Variants in RMDN1 observed in about 807,000 individuals in gnomAD.
RMDN1 encodes regulator of microtubule dynamics 1, also known as regulator of microtubule dynamics protein 1.
RMDN1 carries 48 observed loss-of-function variants against 48.9 expected under a neutral mutation model. The ratio of observed to expected loss-of-function variants is 0.98; its 90% CI spans 0.78 to 1.25. RMDN1 has a LOEUF of 1.25. Ranked by LOEUF, RMDN1 falls within the 50% of genes most tolerant of loss-of-function variation. The pLI, the probability that RMDN1 is intolerant of heterozygous loss-of-function variation, is 0.00. For missense variants in RMDN1, 418 were observed against 373.4 expected (o/e 1.12, Z -0.98); for synonymous variants, 148 against 132.6 (o/e 1.12, Z -0.80).
chr8:86,474,195 A>G lies in RMDN1; in HGVS notation c.*113T>C. On this transcript the variant is annotated 3_prime_UTR_variant, in exon 10 of 10. Transcript: ENST00000406452. ...GAATATTTTATATTTACACGGTTAA[A>G]TGGTCACAACATTTAAAAAGCCGTA... 1 of 1,501,944 alleles carries G rather than the reference A, an allele frequency of 6.7e-7. No homozygotes were observed. Among genetic ancestry groups the G allele is most frequent in the Non-Finnish European group, 8.9e-7 (1 of 1,128,556 alleles). 93.0% of individuals were successfully genotyped at this position (1,501,944 alleles called of 1,614,324 possible).
At position 86,514,139 on chromosome 8, in the gene RMDN1, C is replaced by CCA. The variant is rs575869346; in HGVS notation, c.-4+101_-4+102dup. 4.6e-4 allele frequency: 203 copies of CCA among 438,328 alleles called. 1 individual carries two copies. Among genetic ancestry groups the CCA allele is most frequent in the Non-Finnish European group, 6.0e-4 (199 of 330,134 alleles). The allele number at this position is 438,328 out of a possible 1,614,324, so 27.2% of individuals were successfully genotyped here. On this transcript the variant is annotated intron_variant, in intron 1 of 9. Coordinates refer to the RMDN1 transcript ENST00000523911. ...AAAATGTTTGGATTACAGGTGTGAGCCACTGCGCCCAGTCTTCTCAGTTCA... is the reference window on the plus strand; with the variant it reads ...AAAATGTTTGGATTACAGGTGTGAGCCACACTGCGCCCAGTCTTCTCAGTTCA...
At chr8:86,496,883 C>T (rs1243792317) in intron 2 of RMDN1, among the ~76,000 whole-genome samples, 3 of 152,072 alleles carry the variant, frequency 2.0e-5, no homozygotes, top group Non-Finnish European at 4.4e-5. Flanking sequence ...AGGCCACATG[C>T]TTGGCCATAA....
At chr8:86,478,859 C>T (rs2130615615) in intron 7 of RMDN1, 64 bp downstream of exon 7, 4 of 1,280,218 alleles carry the variant, frequency 3.1e-6, no homozygotes, top group Non-Finnish European at 4.6e-6. Flanking sequence ...CATGTGTGAA[C>T]ACATGGTAGA....
intron 2 of RMDN1, among the ~76,000 whole-genome samples, chr8:86,490,316 A>G (rs1464373358): frequency 3.3e-5 from 5 of 152,210 alleles, no homozygotes; most frequent in Non-Finnish European, 7.3e-5. Flanking sequence ...TAATCAGCTA[A>G]TATTAAAACA....
At chr8:86,479,034 A>G (rs765097095) in intron 6 of RMDN1, 24 bp from the exon 7 acceptor site, 1 of 1,513,420 alleles carries the variant, frequency 6.6e-7, no homozygotes, top group South Asian at 1.1e-5. Flanking sequence ...AAACAATTTT[A>G]TACATTCAAA....
At chr8:86,494,840 G>T (rs1157045362) in intron 2 of RMDN1, 1 of 328,086 alleles carries the variant, frequency 3.0e-6, no homozygotes, top group Non-Finnish European at 6.0e-6. Context: ...TGGGCATCAT[G>T]GCACATGCCT....
At chr8:86,468,672 G>A (rs1417066724), downstream of RMDN1, 1 of 456,044 alleles carries the variant, frequency 2.2e-6, no homozygotes, top group Non-Finnish European at 4.4e-6. Context: ...CCTCAAGTAA[G>A]AAATTACGAT....
chr8:86,476,632 C>G (rs548807559), intron 8 of RMDN1, among the ~76,000 whole-genome samples: 2 of 152,210 alleles, frequency 1.3e-5, no homozygotes, highest in South Asian at 4.1e-4. Context: ...TTCACAATAT[C>G]TGCAATAGAA....
chr8:86,471,559 T>A (rs1812569307), downstream of RMDN1, among the ~76,000 whole-genome samples: 1 of 151,622 alleles, frequency 6.6e-6, no homozygotes, highest in South Asian at 2.1e-4. Flanking sequence ...CTGGCTAAAA[T>A]CAGGAAAAAA....
chr8:86,497,595 G>C (rs964291017), intron 2 of RMDN1, among the ~76,000 whole-genome samples: 6 of 151,910 alleles, frequency 3.9e-5, no homozygotes, highest in Non-Finnish European at 7.4e-5. Context: ...CAGCTACTTG[G>C]GAGGCCAAGG....
In RMDN1 at chr8:86,482,524, TAGTATCACTAAGTGAATGTC is replaced by T. The variant is rs537136803; in HGVS notation, c.586-2212_586-2193del. 8.1e-4 allele frequency: 568 copies of T among 701,678 alleles called. 11 individuals are homozygous for T. The highest frequency in any genetic ancestry group is 7.8e-3 in the South Asian group (555 of 71,118). 43.5% of individuals were successfully genotyped at this position (701,678 alleles called of 1,614,324 possible). ...CATTTAATTCTGTCACACATAATCA[TAGTATCACTAAGTGAATGTC>T]ATCTTCTTGCCTGTCAAATTCACTA... On this transcript the variant is annotated intron_variant, in intron 5 of 9. Transcript: ENST00000406452.
chr8:86,474,227 T>A lies in RMDN1; in HGVS notation c.*81A>T. ...CAACATTTAAAAAGCCGTAGAACAG[T>A]TATAGTTCATATATTAAGTTTAGAA... is the stretch of plus-strand genomic sequence containing the variant. On this transcript the variant is annotated 3_prime_UTR_variant, in exon 10 of 10. Transcript: ENST00000406452. 1.3e-6 allele frequency: 2 copies of A among 1,594,090 alleles called. No homozygotes were observed. Among genetic ancestry groups the A allele is most frequent in the Non-Finnish European group, 1.7e-6 (2 of 1,171,814 alleles).
In RMDN1 at chr8:86,483,602, A is replaced by G. The variant is rs1443652199; in HGVS notation, c.585+1270T>C. Among the ~76,000 whole-genome samples the G allele has an allele frequency of 2.0e-5, 3 of 152,336 alleles. No homozygotes were observed. The East Asian group carries it at 5.8e-4, about 29-fold the overall frequency. The stretch of plus-strand genomic sequence containing the variant: ...GTTACATTATAAAATGTCAGTTATT[A>G]TGTATATATTACTATCCATACCTGA... On this transcript the variant is annotated intron_variant, in intron 5 of 9. Transcript: ENST00000406452.
chr8:86,489,571 T>A (rs1248262150), intron 2 of RMDN1, among the ~76,000 whole-genome samples: 1 of 152,072 alleles, frequency 6.6e-6, no homozygotes, highest in Admixed American at 6.6e-5. Context: ...GTGGCTCACA[T>A]CTGTAATCCT....
At chr8:86,495,859 T>C (rs1263900774) in intron 2 of RMDN1, among the ~76,000 whole-genome samples, 1 of 152,070 alleles carries the variant, frequency 6.6e-6, no homozygotes. Context: ...GTCATCAGAT[T>C]CTCCAAGGTC....
At chr8:86,481,896 A>C in intron 5 of RMDN1, 1 of 782,300 alleles carries the variant, frequency 1.3e-6, no homozygotes, top group Non-Finnish European at 2.1e-6. Context: ...ATGTTCAACA[A>C]AGTGGGGTGG....
chr8:86,497,119 T>A (rs1200206542), intron 2 of RMDN1, among the ~76,000 whole-genome samples: 2 of 152,180 alleles, frequency 1.3e-5, no homozygotes, highest in Admixed American at 6.5e-5. Flanking sequence ...CATCCCAGAA[T>A]CTGTGAGACA....
intron 2 of RMDN1, chr8:86,503,786 T>C (rs747409071): frequency 2.0e-6 from 1 of 510,864 alleles, no homozygotes; most frequent in Admixed American, 2.5e-5. Context: ...GGCCATATTC[T>C]CCATTGTTGG....
chr8:86,473,385 CTTAAG>C lies in RMDN1; in HGVS notation c.*918_*922del, dbSNP rs1231335261. 13 of 985,312 alleles carry C rather than the reference CTTAAG, an allele frequency of 1.3e-5. No individual in the cohort carries two copies. Among genetic ancestry groups the C allele is most frequent in the African/African-American group, 3.5e-5 (2 of 57,240 alleles). 61.0% of individuals were successfully genotyped at this position (985,312 alleles called of 1,614,324 possible). The stretch of plus-strand genomic sequence containing the variant: ...AAACATCTTAGTATTCCATTTCACT[CTTAAG>C]TTTTGTGTTCCTTCCATTCCATTAG... On this transcript the variant is annotated 3_prime_UTR_variant, in exon 10 of 10. Transcript: ENST00000406452.
Sources: gnomAD v4.1 joint callset for allele counts (sites outside exome capture counted in the v4.1 genomes callset) on GRCh38, gnomAD v4.1.1 for gene constraint, MANE v1.5 for transcripts, NCBI Gene and HGNC (gene_info 2026-07-23, HGNC 2026-07-21) for gene names.